The following HLTF variants were observed in gnomAD, a reference collection of about 807,000 sequenced individuals.
HLTF encodes helicase like transcription factor.
In HLTF, 127 loss-of-function variants were observed where a neutral mutation model predicts 129.4. The observed-to-expected ratio is 0.98, with a 90% CI of 0.85 to 1.14. The LOEUF (loss-of-function observed/expected upper bound fraction) is 1.14, where lower values mean the gene tolerates loss of function less well. Among genes scored for constraint, HLTF ranks in the 50% most tolerant of loss-of-function variants. HLTF has a pLI of 0.00. For synonymous variants in HLTF, 332 were observed against 388.8 expected, an observed-to-expected ratio of 0.85 and a Z score of 1.72; for missense variants, 1,139 against 1,187.1, an observed-to-expected ratio of 0.96 and a Z score of 0.60.
chr3:149,034,773 T>G (rs749670940), intron 24 of HLTF, 145 bp downstream of exon 24: 70 of 620,826 alleles, frequency 1.1e-4, no homozygotes, highest in Non-Finnish European at 1.6e-4. Context: ...CAGCATATAT[T>G]AAATTATTGA....
chr3:149,030,581 G>T lies in HLTF; in HGVS notation c.*1639C>A, dbSNP rs1714926168. The T allele has an allele frequency of 1.3e-5, 2 of 152,188 alleles. No individual in the cohort carries two copies. The highest frequency in any genetic ancestry group is 4.8e-5 in the African/African-American group (2 of 41,444). 9.4% of individuals were successfully genotyped at this position (152,188 alleles called of 1,614,324 possible). A position where few individuals can be genotyped will look rare whatever the true frequency, so the allele number is the denominator to read the frequency against. On this transcript the variant is annotated 3_prime_UTR_variant, in exon 25 of 25. Transcript: ENST00000310053. ...AAAACTGTTTATACTTAATCTCACTGAAGTATTGCTATATGGAGAACCCAT... is the reference window on the plus strand; with the variant it reads ...AAAACTGTTTATACTTAATCTCACTTAAGTATTGCTATATGGAGAACCCAT...
At chr3:149,059,627 T>G (rs1717752246) in intron 13 of HLTF, 91 bp downstream of exon 13, 1 of 726,130 alleles carries the variant, frequency 1.4e-6, no homozygotes, top group Non-Finnish European at 2.3e-6. Flanking sequence ...CTAAACTTCT[T>G]GTAATATGGT....
intron 9 of HLTF, among the ~76,000 whole-genome samples, chr3:149,063,862 T>C (rs1718148034): frequency 1.3e-5 from 2 of 152,134 alleles, no homozygotes; most frequent in Non-Finnish European, 2.9e-5. Context: ...ATTTACATGT[T>C]CAAATCTCAG....
chr3:149,075,623 A>T (rs1195630921), intron 3 of HLTF, among the ~76,000 whole-genome samples: 1 of 152,246 alleles, frequency 6.6e-6, no homozygotes, highest in Non-Finnish European at 1.5e-5. Flanking sequence ...GGAGAAATGG[A>T]ATGTACTTCC....
intron 2 of HLTF, among the ~76,000 whole-genome samples, chr3:149,082,659 G>A (rs866039893): frequency 6.6e-6 from 1 of 151,898 alleles, no homozygotes; most frequent in African/African-American, 2.4e-5. Flanking sequence ...TTTATCATAC[G>A]TAAACCACAT....
chr3:149,061,272 G>A (rs529402173), intron 10 of HLTF, among the ~76,000 whole-genome samples: 34 of 151,984 alleles, frequency 2.2e-4, no homozygotes, highest in South Asian at 6.2e-4. Context: ...ATAGCCGGGC[G>A]TGGTGGTGGG....
chr3:149,050,417 G>C, intron 14 of HLTF, 42 bp from the exon 15 acceptor site: 2 of 1,411,234 alleles, frequency 1.4e-6, no homozygotes, highest in South Asian at 1.4e-5. Flanking sequence ...GAGCAGATTT[G>C]TGTCAGACTT....
intron 1 of HLTF, 145 bp downstream of exon 1, chr3:149,086,172 C>T (rs1221530448): frequency 1.4e-5 from 12 of 865,990 alleles, no homozygotes; most frequent in Non-Finnish European, 2.1e-5. Flanking sequence ...ATTTATTTCT[C>T]CGGCGGCCAC....
chr3:149,083,867 C>G (rs936143791), intron 2 of HLTF: 1 of 151,204 alleles, frequency 6.6e-6, no homozygotes, highest in Non-Finnish European at 1.5e-5. Flanking sequence ...TGCAGTGAGG[C>G]CAGATCAGGC....
chr3:149,042,674 C>CA (rs1716231350), intron 18 of HLTF, among the ~76,000 whole-genome samples: 1 of 151,634 alleles, frequency 6.6e-6, no homozygotes, highest in Non-Finnish European at 1.5e-5. Context: ...AAATTTATAT[C>CA]AAAAAAAGAG....
At chr3:149,044,988 A>G (rs1716420617) in intron 18 of HLTF, among the ~76,000 whole-genome samples, 1 of 152,168 alleles carries the variant, frequency 6.6e-6, no homozygotes, top group Admixed American at 6.5e-5. Context: ...TCTTTTAAAA[A>G]TATAAATCAG....
In HLTF at chr3:149,031,158, TAAAA is replaced by T. The variant is rs574784654; in HGVS notation, c.*1058_*1061del. The T allele has an allele frequency of 5.5e-5, 8 of 145,120 alleles. No homozygotes were observed. The highest frequency in any genetic ancestry group is 1.8e-4 in the African/African-American group (7 of 39,410). 9.0% of individuals were successfully genotyped at this position (145,120 alleles called of 1,614,324 possible). A position where few individuals can be genotyped will look rare whatever the true frequency, so the allele number is the denominator to read the frequency against. Reference sequence around the variant, plus strand: ...ATAAGTTTGCTTATTAACAAAAAAGTAAAAAAAAAAGAAAAGAAAAAAGATGACT... The same window carrying T: ...ATAAGTTTGCTTATTAACAAAAAAGTAAAAAAGAAAAGAAAAAAGATGACT... On this transcript the variant is annotated 3_prime_UTR_variant, in exon 25 of 25. Coordinates refer to ENST00000310053, the MANE Select transcript of HLTF (RefSeq NM_003071.4).
At chr3:149,036,766 A>G (rs896062829) in intron 23 of HLTF, among the ~76,000 whole-genome samples, 3 of 152,072 alleles carry the variant, frequency 2.0e-5, no homozygotes, top group Non-Finnish European at 2.9e-5. Context: ...AGAAAAAAAA[A>G]TTTAATGGTA....
intron 10 of HLTF, among the ~76,000 whole-genome samples, chr3:149,062,215 A>G (rs985459353): frequency 6.6e-6 from 1 of 152,240 alleles, no homozygotes; most frequent in African/African-American, 2.4e-5. Context: ...ACTATTAGCT[A>G]TAACATGTGT....
Position 149,059,341 on chromosome 3 carries a change from A to G in HLTF, c.1375+377T>C, listed in dbSNP as rs144156348. ...AAAATATAAAATCATAACAAAGATCACTAACATTTTAAAATGAAAAGCAAA... is the reference window on the plus strand; with the variant it reads ...AAAATATAAAATCATAACAAAGATCGCTAACATTTTAAAATGAAAAGCAAA... On this transcript the variant is annotated intron_variant, in intron 13 of 24. Coordinates refer to ENST00000310053, the MANE Select transcript of HLTF (RefSeq NM_003071.4). 3.7e-4 allele frequency: 148 copies of G among 396,458 alleles called. No individual in the cohort carries two copies. The East Asian group carries it at 9.3e-3, about 25-fold the overall frequency. 24.6% of individuals were successfully genotyped at this position (396,458 alleles called of 1,614,324 possible). A position where few individuals can be genotyped will look rare whatever the true frequency, so the allele number is the denominator to read the frequency against.
Position 149,059,768 on chromosome 3 carries a change from C to T in HLTF, c.1325G>A (p.Cys442Tyr), listed in dbSNP as rs777122403. ...SKVIEDVAFA[C>Y]ALTSSVPTTK... ...TGTAGGAACAGATGAAGTTAATGCACATGCAAATGCCACATCTTCTATAAC... is the reference window on the plus strand; with the variant it reads ...TGTAGGAACAGATGAAGTTAATGCATATGCAAATGCCACATCTTCTATAAC... The change falls in exon 13 of 25, where the codon TGT becomes TAT. Residue 442 changes from cysteine to tyrosine, a missense_variant. Coordinates refer to ENST00000310053, the MANE Select transcript of HLTF (RefSeq NM_003071.4). 1 of 1,604,416 alleles carries T rather than the reference C, an allele frequency of 6.2e-7. No individual in the cohort carries two copies.
intron 13 of HLTF, among the ~76,000 whole-genome samples, chr3:149,055,764 T>C (rs1371980929): frequency 2.0e-5 from 3 of 152,250 alleles, no homozygotes; most frequent in Non-Finnish European, 2.9e-5. Context: ...CTCTACTTCC[T>C]GATATTCACA....
intron 9 of HLTF, 97 bp downstream of exon 9, chr3:149,064,694 C>T: frequency 2.5e-6 from 2 of 792,362 alleles, no homozygotes; most frequent in Non-Finnish European, 4.3e-6. Context: ...ACTAGAATTA[C>T]AATATTAGGC....
intron 13 of HLTF, chr3:149,059,488 A>C (rs1400936862): frequency 2.0e-6 from 1 of 500,600 alleles, no homozygotes; most frequent in Non-Finnish European, 3.6e-6. Context: ...CAGAGGAGTA[A>C]GGGCCCCCAT....
Sources: gnomAD v4.1 joint callset for allele counts (sites outside exome capture counted in the v4.1 genomes callset) on GRCh38, gnomAD v4.1.1 for gene constraint, MANE v1.5 for transcripts, NCBI Gene and HGNC (gene_info 2026-07-23, HGNC 2026-07-21) for gene names.